RUVBL1: variants seen among roughly 807,000 people sequenced by gnomAD.
The protein encoded by RUVBL1 is ruvB-like 1.
RUVBL1 carries 4 observed loss-of-function variants against 52.4 expected under a neutral mutation model. That is an observed-to-expected ratio of 0.08 (90% confidence interval 0.04 to 0.17). The LOEUF (loss-of-function observed/expected upper bound fraction) is 0.17, where lower values mean the gene tolerates loss of function less well. Among genes scored for constraint, RUVBL1 ranks in the 10% least tolerant of loss-of-function variants. RUVBL1 has a pLI of 1.00. For missense variants in RUVBL1, 298 were observed against 572.8 expected, an observed-to-expected ratio of 0.52 and a Z score of 4.90; for synonymous variants, 217 against 214.4, an observed-to-expected ratio of 1.01 and a Z score of -0.10.
intron 1 of RUVBL1, among the ~76,000 whole-genome samples, chr3:128,140,744 T>G (rs1411490486): frequency 6.6e-6 from 1 of 152,162 alleles, no homozygotes; most frequent in Non-Finnish European, 1.5e-5. Flanking sequence ...AAAAACCTGA[T>G]TAGAAACTTG....
intron 9 of RUVBL1, chr3:128,068,181 G>C: frequency 1.4e-6 from 1 of 706,376 alleles, no homozygotes; most frequent in South Asian, 1.6e-5. Context: ...TTGGGTTACA[G>C]GACAGAATTA....
Position 128,067,471 on chromosome 3 carries a change from C to T in RUVBL1, c.940-2251G>A. ...GTGCTTATCCAGTTGGTGGCCTTTG[C>T]TATTACCTGTCCCCTCCAGAATCTT... On this transcript the variant is annotated intron_variant, in intron 9 of 9. Transcript: ENST00000464873. The surrounding 1 kb of genome is among the most constrained non-coding windows in gnomAD (Gnocchi z 4.1). 6.2e-7 allele frequency: 1 copy of T among 1,614,186 alleles called. No individual in the cohort carries two copies. The highest frequency in any genetic ancestry group is 2.2e-5 in the East Asian group (1 of 44,882).
chr3:128,098,904 C>T lies in RUVBL1; in HGVS notation c.795G>A (p.Lys265=). Reference sequence around the variant, plus strand: ...TACCTGTGATTTCTGTCTTCTTTGGCTTCATTAGCTGGCCCATCATGGACA... The same window carrying T: ...TACCTGTGATTTCTGTCTTCTTTGGTTTCATTAGCTGGCCCATCATGGACA... ...DILSMMGQLM[K]PKKTEITDKL... Residue 265 remains lysine (K), a synonymous_variant, in exon 7 of 11, where the codon AAG becomes AAA. Transcript: ENST00000322623. 1 of 1,614,038 alleles carries T rather than the reference C, an allele frequency of 6.2e-7. No homozygotes were observed. Among genetic ancestry groups the T allele is most frequent in the South Asian group, 1.1e-5 (1 of 91,078 alleles).
upstream of RUVBL1, chr3:128,123,838 G>C: frequency 1.5e-6 from 2 of 1,371,806 alleles, no homozygotes; most frequent in South Asian, 3.4e-5. Context: ...GGCCCGCCTA[G>C]ACCGGCTTTC....
intron 1 of RUVBL1, among the ~76,000 whole-genome samples, chr3:128,152,549 T>G (rs1479599623): frequency 7.9e-5 from 12 of 152,168 alleles, no homozygotes; most frequent in Admixed American, 7.9e-4. Flanking sequence ...GGCTGTATTG[T>G]TTGACTTAGC....
chr3:128,105,245 G>A (rs948129840), intron 3 of RUVBL1, among the ~76,000 whole-genome samples: 3 of 150,732 alleles, frequency 2.0e-5, no homozygotes, highest in Non-Finnish European at 2.9e-5. Flanking sequence ...CCAGCCTCCC[G>A]AGTAGCTGGG....
Position 128,067,824 on chromosome 3 carries a change from T to C in RUVBL1, c.940-2604A>G, listed in dbSNP as rs761480556. 4.2e-6 allele frequency: 3 copies of C among 717,096 alleles called. No individual in the cohort carries two copies. The highest frequency in any genetic ancestry group is 4.8e-6 in the Non-Finnish European group (2 of 416,438). 44.4% of individuals were successfully genotyped at this position (717,096 alleles called of 1,614,324 possible). On this transcript the variant is annotated intron_variant, in intron 9 of 9. Coordinates refer to the RUVBL1 transcript ENST00000464873. The surrounding 1 kb of genome is among the most constrained non-coding windows in gnomAD (Gnocchi z 4.1). ...AGAATCTGAATCCACACTGTAAAGT[T>C]AGACTTTTTCATATGACTTCCTTGC...
chr3:128,152,788 T>C (rs1367608683), intron 1 of RUVBL1, among the ~76,000 whole-genome samples: 6 of 151,862 alleles, frequency 4.0e-5, no homozygotes, highest in Non-Finnish European at 8.8e-5. Flanking sequence ...GCAGCAAGAT[T>C]TATTGTGAAG....
At chr3:128,146,384 G>A (rs998534378) in intron 1 of RUVBL1, among the ~76,000 whole-genome samples, 2 of 152,188 alleles carry the variant, frequency 1.3e-5, no homozygotes, top group Non-Finnish European at 2.9e-5. Context: ...CTGCTGCTGT[G>A]AGCAAGTGTG....
At chr3:128,144,611 G>A (rs74799628) in intron 1 of RUVBL1, among the ~76,000 whole-genome samples, 2,360 of 152,278 alleles carry the variant, frequency 0.015, 59 homozygotes, top group African/African-American at 0.052. Context: ...GGGGCTTTGC[G>A]TGTGCCAGGC....
At chr3:128,119,869 A>T (rs568228514) in intron 1 of RUVBL1, among the ~76,000 whole-genome samples, 2 of 152,348 alleles carry the variant, frequency 1.3e-5, no homozygotes, top group South Asian at 4.1e-4. Context: ...ACCAAAGTAT[A>T]GCGAAAAAGA....
intron 2 of RUVBL1, among the ~76,000 whole-genome samples, chr3:128,118,525 T>G (rs1439186308): frequency 6.6e-6 from 1 of 152,132 alleles, no homozygotes; most frequent in Admixed American, 6.5e-5. Flanking sequence ...AACCCCAAGC[T>G]CCTACTTGCC....
At chr3:128,101,839 G>A (rs1221848822) in intron 4 of RUVBL1, among the ~76,000 whole-genome samples, 191 bp from the exon 5 acceptor site, 1 of 152,214 alleles carries the variant, frequency 6.6e-6, no homozygotes, top group African/African-American at 2.4e-5. Flanking sequence ...CTGGCTGGGG[G>A]ACTAAGCACA....
At chr3:128,111,954 A>C (rs1943405530) in intron 3 of RUVBL1, among the ~76,000 whole-genome samples, 1 of 152,228 alleles carries the variant, frequency 6.6e-6, no homozygotes, top group South Asian at 2.1e-4. Flanking sequence ...AGACACATAA[A>C]AGGATATTCC....
chr3:128,065,732 ATT>A (rs758640768), intron 9 of RUVBL1, among the ~76,000 whole-genome samples: 6 of 97,524 alleles, frequency 6.2e-5, no homozygotes, highest in African/African-American at 1.7e-4. Flanking sequence ...ATCATTAAGA[ATT>A]TTTTTTTTTT....
At chr3:128,142,902 T>A (rs755396675) in intron 1 of RUVBL1, among the ~76,000 whole-genome samples, 1 of 152,124 alleles carries the variant, frequency 6.6e-6, no homozygotes, top group Non-Finnish European at 1.5e-5. Flanking sequence ...CACCTCAGCC[T>A]CCAGAGTAGC....
At chr3:128,110,236 T>C (rs547745970) in intron 3 of RUVBL1, among the ~76,000 whole-genome samples, 102 of 152,192 alleles carry the variant, frequency 6.7e-4, no homozygotes, top group African/African-American at 2.4e-3. Flanking sequence ...CAGCGAGCTA[T>C]TGTTACACCA....
intron 5 of RUVBL1, 51 bp downstream of exon 5, chr3:128,101,508 T>C: frequency 6.4e-7 from 1 of 1,558,878 alleles, no homozygotes; most frequent in Non-Finnish European, 8.8e-7. Flanking sequence ...ACTTAGGTCT[T>C]CTCATGGCAA....
chr3:128,088,011 AC>A (rs902133036), intron 8 of RUVBL1, among the ~76,000 whole-genome samples: 3 of 152,060 alleles, frequency 2.0e-5, no homozygotes. Context: ...GTAAATCCCA[AC>A]ACTTTGGGAG....
Sources: allele counts gnomAD v4.1 joint callset (sites outside exome capture counted in the v4.1 genomes callset), GRCh38; gene constraint gnomAD v4.1.1; non-coding constraint Gnocchi (gnomAD v3.1); transcripts MANE v1.5; gene names NCBI Gene and HGNC (gene_info 2026-07-23, HGNC 2026-07-21).